Variants in CFDP1 observed in about 807,000 individuals in gnomAD.
The protein encoded by CFDP1 is heterochromatin-stabilizing protein CFDP1.
A neutral mutation model predicts 40.1 loss-of-function variants in CFDP1; 31 were observed. That is an observed-to-expected ratio of 0.77 (90% confidence interval 0.58 to 1.04). CFDP1 has a LOEUF of 1.04. Ranked by LOEUF, CFDP1 falls within the 50% of genes least tolerant of loss-of-function variation. The pLI, the probability that CFDP1 is intolerant of heterozygous loss-of-function variation, is 0.00. For synonymous variants in CFDP1, 167 were observed against 120.0 expected (o/e 1.39, Z -2.56); for missense variants, 423 against 343.4 (o/e 1.23, Z -1.83).
rs192133245 is a variant in CFDP1, at chr16:75,416,775, T to A, written c.65-2080A>T. On this transcript the variant is annotated intron_variant, in intron 1 of 6. Transcript: ENST00000283882. The stretch of plus-strand genomic sequence containing the variant: ...AAAAATAAATACATAAATTAAAAAA[T>A]TTTTTAAAGGCGATGAGAAGGAGCC... Among the ~76,000 whole-genome samples, 1,296 of 151,954 alleles carry A rather than the reference T, an allele frequency of 8.5e-3. 5 individuals are homozygous for A. The highest frequency in any genetic ancestry group is 0.014 in the Non-Finnish European group (967 of 67,952).
intron 5 of CFDP1, among the ~76,000 whole-genome samples, chr16:75,369,820 T>C (rs1349870575): frequency 6.6e-6 from 1 of 152,166 alleles, no homozygotes; most frequent in East Asian, 1.9e-4. Context: ...TGAAGCGATC[T>C]TGGCTCACTA....
intron 4 of CFDP1, among the ~76,000 whole-genome samples, chr16:75,411,249 A>G (rs898726127): frequency 1.3e-5 from 2 of 151,530 alleles, no homozygotes; most frequent in African/African-American, 4.8e-5. Context: ...AAAAAACTAC[A>G]AAAGAATTAG....
At chr16:75,409,142 A>C (rs2079132812) in intron 4 of CFDP1, among the ~76,000 whole-genome samples, 2 of 152,140 alleles carry the variant, frequency 1.3e-5, no homozygotes. Flanking sequence ...TACAGGCATG[A>C]GCCACCGTGC....
intron 1 of CFDP1, among the ~76,000 whole-genome samples, chr16:75,423,276 G>A (rs868591566): frequency 7.6e-5 from 6 of 78,564 alleles, no homozygotes; most frequent in African/African-American, 1.3e-4. Context: ...GCAAGACTCC[G>A]TCTCAAAAAA....
At chr16:75,431,901 G>C (rs867994477) in intron 1 of CFDP1, among the ~76,000 whole-genome samples, 2 of 146,962 alleles carry the variant, frequency 1.4e-5, no homozygotes, top group South Asian at 4.3e-4. Flanking sequence ...AGGGTGATGG[G>C]ACTGGCTAAC....
intron 5 of CFDP1, among the ~76,000 whole-genome samples, chr16:75,363,942 A>AACACAC (rs10635711): frequency 0.07 from 9,944 of 142,654 alleles, 839 homozygotes; most frequent in African/African-American, 0.2. Context: ...AAAGAGGTGA[A>AACACAC]ACACACACAC....
Position 75,412,730 on chromosome 16 carries a change from T to C in CFDP1, c.207A>G (p.Ser69=), listed in dbSNP as rs184421634. 29 of 1,613,598 alleles carry C rather than the reference T, an allele frequency of 1.8e-5. No individual in the cohort carries two copies. Among genetic ancestry groups the C allele is most frequent in the Non-Finnish European group, 2.3e-5 (27 of 1,179,852 alleles). Residue 69 remains serine, a synonymous_variant, in exon 3 of 7, where the codon TCA becomes TCG. Transcript: ENST00000283882. ...CATCCTCCTCTTCCTCTTCTTCTAATGAGAGGCCACCTTGTCTTCTCTTCC... is the reference window on the plus strand; with the variant it reads ...CATCCTCCTCTTCCTCTTCTTCTAACGAGAGGCCACCTTGTCTTCTCTTCC... The part of the protein sequence containing the change: ...PARKRRQGGL[S]LEEEEEEDAN...
At chr16:75,319,228 G>C (rs2078345824) in intron 5 of CFDP1, among the ~76,000 whole-genome samples, 1 of 152,018 alleles carries the variant, frequency 6.6e-6, no homozygotes, top group Non-Finnish European at 1.5e-5. Context: ...ATTTTTAGTA[G>C]AGATGGGGTT....
At chr16:75,373,405 T>C (rs1257157525) in intron 5 of CFDP1, among the ~76,000 whole-genome samples, 1 of 152,184 alleles carries the variant, frequency 6.6e-6, no homozygotes, top group Admixed American at 6.5e-5. Flanking sequence ...TGTTTTGTAC[T>C]AAAAAAGAAA....
chr16:75,377,577 C>G (rs1302698971), intron 5 of CFDP1, among the ~76,000 whole-genome samples: 2 of 152,166 alleles, frequency 1.3e-5, no homozygotes, highest in African/African-American at 2.4e-5. Context: ...AAAGAAGAAA[C>G]TAAATGTGAG....
intron 5 of CFDP1, among the ~76,000 whole-genome samples, chr16:75,327,553 C>T (rs1371194995): frequency 6.6e-6 from 1 of 151,886 alleles, no homozygotes; most frequent in Non-Finnish European, 1.5e-5. Context: ...AAAGAGTATT[C>T]AGAAGGATTT....
rs989538171 is a variant in CFDP1, at chr16:75,389,399, T to C, written c.650+5691A>G. 7.9e-5 allele frequency among the ~76,000 whole-genome samples: 12 copies of C among 152,218 alleles called. No homozygotes were observed. In the South Asian group the frequency reaches 1.2e-3, roughly 16 times the overall value. Reference sequence around the variant, plus strand: ...CTAATTAAAGTAGGGCTTATTCCATTCCCAAAACATAAACTTTGGCTTTTT... The same window carrying C: ...CTAATTAAAGTAGGGCTTATTCCATCCCCAAAACATAAACTTTGGCTTTTT... On this transcript the variant is annotated intron_variant, in intron 5 of 6. Transcript: ENST00000283882.
At chr16:75,369,634 A>G (rs2078738363) in intron 5 of CFDP1, among the ~76,000 whole-genome samples, 1 of 152,266 alleles carries the variant, frequency 6.6e-6, no homozygotes, top group Non-Finnish European at 1.5e-5. Flanking sequence ...ACCAGAAACA[A>G]AGAAAACTAA....
rs377545797 is a variant in CFDP1, at chr16:75,328,643, T to C, written c.651-23461A>G. On this transcript the variant is annotated intron_variant, in intron 5 of 6. Transcript: ENST00000283882. ...AAAAAACTAGAGTGGAGGAAGTCAA[T>C]AAATACTGATAAATAAAGAAATAGC... 1.1e-3 allele frequency among the ~76,000 whole-genome samples: 128 copies of C among 112,658 alleles called. 1 individual carries two copies. The Middle Eastern group carries it at 0.015, about 13-fold the overall frequency. The allele number at this position is 112,658 out of a possible 152,430, so 73.9% of individuals were successfully genotyped here. A position where few individuals can be genotyped will look rare whatever the true frequency, so the allele number is the denominator to read the frequency against.
intron 4 of CFDP1, among the ~76,000 whole-genome samples, chr16:75,405,733 G>C (rs1171943577): frequency 2.1e-5 from 3 of 142,574 alleles, no homozygotes; most frequent in East Asian, 4.2e-4. Context: ...CTGGGTGACA[G>C]AGTGAGACTC....
Position 75,412,424 on chromosome 16 carries a change from A to T in CFDP1, c.402+111T>A, listed in dbSNP as rs2079170934. ...TACCACAGGAAATGCTTTGCTTTTC[A>T]CTTAGTACAATTGTTATCAAAAGGC... On this transcript the variant is annotated intron_variant, in intron 3 of 6. Coordinates refer to ENST00000283882, the MANE Select transcript of CFDP1 (RefSeq NM_006324.3). 3 of 829,524 alleles carry T rather than the reference A, an allele frequency of 3.6e-6. No individual in the cohort carries two copies. In the Admixed American group the frequency reaches 6.3e-5, roughly 18 times the overall value. The allele number at this position is 829,524 out of a possible 1,614,324, so 51.4% of individuals were successfully genotyped here.
At chr16:75,390,074 C>T (rs1169628736) in intron 5 of CFDP1, among the ~76,000 whole-genome samples, 7 of 152,178 alleles carry the variant, frequency 4.6e-5, no homozygotes, top group Admixed American at 4.6e-4. Context: ...TCCATCAGGG[C>T]TTTCAAAGAA....
intron 5 of CFDP1, among the ~76,000 whole-genome samples, chr16:75,332,591 C>G (rs998105737): frequency 6.6e-6 from 1 of 151,638 alleles, no homozygotes; most frequent in Non-Finnish European, 1.5e-5. Flanking sequence ...CCTTTAAGCC[C>G]GAGAGGTTGA....
At chr16:75,365,407 A>C (rs2078706691) in intron 5 of CFDP1, among the ~76,000 whole-genome samples, 1 of 152,172 alleles carries the variant, frequency 6.6e-6, no homozygotes, top group Non-Finnish European at 1.5e-5. Flanking sequence ...TCAACCTTTG[A>C]GAGAAGGGGA....
Sources: allele counts gnomAD v4.1 joint callset (sites outside exome capture counted in the v4.1 genomes callset), GRCh38; gene constraint gnomAD v4.1.1; transcripts MANE v1.5; gene names NCBI Gene and HGNC (gene_info 2026-07-23, HGNC 2026-07-21).